The following RIMS1 variants were observed in gnomAD, a reference collection of about 807,000 sequenced individuals.
RIMS1 encodes the protein regulating synaptic membrane exocytosis 1, also known as regulating synaptic membrane exocytosis protein 1.
Under a neutral mutation model 214.1 loss-of-function variants are expected in RIMS1, and 83 were observed. The ratio of observed to expected loss-of-function variants is 0.39; its 90% CI spans 0.32 to 0.47. RIMS1 has a LOEUF of 0.47. RIMS1 is among the 20% of genes least tolerant of loss of function. The pLI is 0.99. For missense variants in RIMS1, 2,050 were observed against 2,161.8 expected (o/e 0.95, Z 1.03); for synonymous variants, 793 against 786.8 (o/e 1.01, Z -0.13).
At chr6:72,187,970 C>A (rs556641617) in intron 6 of RIMS1, among the ~76,000 whole-genome samples, 14 of 152,268 alleles carry the variant, frequency 9.2e-5, no homozygotes, top group African/African-American at 3.4e-4. Flanking sequence ...GTCTGAGTCC[C>A]AAAGGTGAAG....
At chr6:72,333,122 A>C (rs2096727719) in intron 28 of RIMS1, among the ~76,000 whole-genome samples, 1 of 151,924 alleles carries the variant, frequency 6.6e-6, no homozygotes, top group East Asian at 1.9e-4. Context: ...TGTTAGTTAG[A>C]ATCCCAAAGG....
chr6:72,103,582 A>G (rs1049750870), intron 4 of RIMS1, among the ~76,000 whole-genome samples: 3 of 152,152 alleles, frequency 2.0e-5, no homozygotes, highest in Non-Finnish European at 2.9e-5. Context: ...GGAAAGGGCT[A>G]TGGTAGAAAG....
At chr6:72,380,141 G>A (rs967572372) in intron 29 of RIMS1, among the ~76,000 whole-genome samples, 10 of 151,982 alleles carry the variant, frequency 6.6e-5, no homozygotes, top group African/African-American at 9.7e-5. Context: ...GCAAACTATC[G>A]CAAGGATAGA....
At position 72,170,182 on chromosome 6, in the gene RIMS1, C is replaced by G. The variant is rs572107064; in HGVS notation, c.472-9393C>G. On this transcript the variant is annotated intron_variant, in intron 4 of 33. Transcript: ENST00000521978. ...TTCCTCCAGATACCTGCATAGCTTA[C>G]TCTTACTCAAATATCACTTTCTCAA... 3.4e-5 allele frequency among the ~76,000 whole-genome samples: 5 copies of G among 147,854 alleles called. No individual in the cohort carries two copies. The South Asian group carries it at 1.1e-3, about 33-fold the overall frequency.
intron 9 of RIMS1, among the ~76,000 whole-genome samples, chr6:72,240,299 G>T (rs1266001210): frequency 7.9e-5 from 12 of 152,094 alleles, no homozygotes; most frequent in Non-Finnish European, 1.8e-4. Context: ...ATAAAAAGGA[G>T]AGTTTTAAAA....
At chr6:72,271,286 A>ATATATATATATATAT (rs1554403465) in intron 22 of RIMS1, among the ~76,000 whole-genome samples, 13 of 44,360 alleles carry the variant, frequency 2.9e-4, no homozygotes, top group Admixed American at 3.3e-4. Context: ...AAAAAAAAAA[A>ATATATATATATATAT]ATATATATAT....
intron 2 of RIMS1, among the ~76,000 whole-genome samples, chr6:72,054,648 A>G (rs1014684610): frequency 2.0e-5 from 3 of 151,994 alleles, no homozygotes; most frequent in Non-Finnish European, 4.4e-5. Context: ...ATCTCATTGT[A>G]GTTTTGATTT....
chr6:71,893,626 G>T (rs1168839793), intron 1 of RIMS1, among the ~76,000 whole-genome samples: 1 of 152,084 alleles, frequency 6.6e-6, no homozygotes, highest in Non-Finnish European at 1.5e-5. Context: ...AATTGCATGT[G>T]TTTAAGAACT....
intron 6 of RIMS1, among the ~76,000 whole-genome samples, chr6:72,207,128 C>A (rs1489409005): frequency 6.6e-6 from 1 of 152,062 alleles, no homozygotes; most frequent in African/African-American, 2.4e-5. Context: ...AAGTACTGGC[C>A]TTTATGTTAT....
intron 4 of RIMS1, among the ~76,000 whole-genome samples, chr6:72,107,913 A>G (rs1372375663): frequency 6.6e-6 from 1 of 152,176 alleles, no homozygotes; most frequent in Admixed American, 6.5e-5. Flanking sequence ...ACAAGGCCTA[A>G]TTCCTGTGAT....
Position 72,108,092 on chromosome 6 carries a change from C to T in RIMS1, c.471+8106C>T, listed in dbSNP as rs140348605. Reference sequence around the variant, plus strand: ...CTAGTGCAGTGCCATGATCAGGGCTCACTGCAGCCTTGACTTCCCTGGGCT... The same window carrying T: ...CTAGTGCAGTGCCATGATCAGGGCTTACTGCAGCCTTGACTTCCCTGGGCT... On this transcript the variant is annotated intron_variant, in intron 4 of 33. Coordinates refer to ENST00000521978, the MANE Select transcript of RIMS1 (RefSeq NM_014989.7). Among the ~76,000 whole-genome samples the T allele has an allele frequency of 1.2e-3, 183 of 152,214 alleles. 1 individual carries two copies. Among genetic ancestry groups the T allele is most frequent in the African/African-American group, 4.2e-3 (176 of 41,538 alleles).
chr6:72,033,952 A>G (rs1818880536), intron 2 of RIMS1, among the ~76,000 whole-genome samples: 1 of 152,176 alleles, frequency 6.6e-6, no homozygotes, highest in African/African-American at 2.4e-5. Context: ...CTAGTGTTAT[A>G]ATTTAGTCTT....
At chr6:72,366,909 G>A (rs942228652) in intron 29 of RIMS1, 1 of 944,296 alleles carries the variant, frequency 1.1e-6, no homozygotes, top group South Asian at 4.9e-5. Context: ...GTTATAAGGG[G>A]AGTTTGTTTA....
At chr6:72,230,072 T>G (rs2061473920) in intron 6 of RIMS1, among the ~76,000 whole-genome samples, 1 of 151,804 alleles carries the variant, frequency 6.6e-6, no homozygotes, top group Non-Finnish European at 1.5e-5. Flanking sequence ...TTTTAAGAGG[T>G]TCAGGAAATA....
chr6:72,060,670 G>A (rs1827624337), intron 2 of RIMS1, among the ~76,000 whole-genome samples: 1 of 151,912 alleles, frequency 6.6e-6, no homozygotes. Context: ...ATTTTTTTAG[G>A]TCCTCTAAGC....
intron 2 of RIMS1, among the ~76,000 whole-genome samples, chr6:72,048,223 C>G (rs1823614635): frequency 2.0e-5 from 3 of 152,164 alleles, no homozygotes; most frequent in African/African-American, 4.8e-5. Context: ...GTCCAAAAAT[C>G]TAGCCCTGAA....
chr6:72,077,856 G>A lies in RIMS1; in HGVS notation c.246-19093G>A, dbSNP rs541880746. On this transcript the variant is annotated intron_variant, in intron 2 of 33. Coordinates refer to ENST00000521978, the MANE Select transcript of RIMS1 (RefSeq NM_014989.7). ...GCCCTGGCTTGTATCTGGTAATAAT[G>A]CCCTTACTTAGGGGATGCTGACCAT... Among the ~76,000 whole-genome samples, 7 of 152,306 alleles carry A rather than the reference G, an allele frequency of 4.6e-5. No homozygotes were observed. The East Asian group carries it at 1.3e-3, about 29-fold the overall frequency.
At chr6:72,098,419 C>T (rs1417375767) in intron 3 of RIMS1, among the ~76,000 whole-genome samples, 4 of 151,964 alleles carry the variant, frequency 2.6e-5, no homozygotes, top group Admixed American at 6.6e-5. Flanking sequence ...CTCAGCCTCC[C>T]GAGTAGCTGA....
intron 6 of RIMS1, among the ~76,000 whole-genome samples, chr6:72,203,051 G>A (rs2052306709): frequency 6.6e-6 from 1 of 151,996 alleles, no homozygotes; most frequent in South Asian, 2.1e-4. Flanking sequence ...GTGGTGGTGC[G>A]ATCCCGACTC....
Sources: gnomAD v4.1 joint callset for allele counts (sites outside exome capture counted in the v4.1 genomes callset) on GRCh38, gnomAD v4.1.1 for gene constraint, MANE v1.5 for transcripts, NCBI Gene and HGNC (gene_info 2026-07-23, HGNC 2026-07-21) for gene names.